Variants in QTGAL observed in about 807,000 individuals in gnomAD.
The protein encoded by QTGAL is BGnT-like protein 1.
the QTGAL span, among the ~76,000 whole-genome samples, chr17:83,017,711 C>T: frequency 1.3e-5 from 2 of 152,250 alleles, no homozygotes; most frequent in Non-Finnish European, 2.9e-5. Flanking sequence ...GTTACCCTGG[C>T]TTGATCATGA....
At chr17:83,008,746 C>G in the QTGAL span, among the ~76,000 whole-genome samples, 1 of 152,230 alleles carries the variant, frequency 6.6e-6, no homozygotes, top group Non-Finnish European at 1.5e-5. Context: ...GGAGAGAAAG[C>G]GCCCAGCCCG....
the QTGAL span, among the ~76,000 whole-genome samples, chr17:83,021,423 A>G: frequency 1.4e-5 from 2 of 141,656 alleles, no homozygotes; most frequent in Non-Finnish European, 3.1e-5. Context: ...CCACTTTTCA[A>G]TAGCACTGAA....
the QTGAL span, among the ~76,000 whole-genome samples, chr17:83,012,906 T>C: frequency 1.5e-4 from 23 of 151,698 alleles, no homozygotes; most frequent in East Asian, 3.5e-3. Flanking sequence ...CCCTAATCCC[T>C]AGATCCCCGG....
At chr17:83,020,309 C>A in the QTGAL span, among the ~76,000 whole-genome samples, 8 of 152,294 alleles carry the variant, frequency 5.3e-5, no homozygotes, top group East Asian at 1.5e-3. Context: ...TAAGAAATTT[C>A]TGAGACCGAT....
the QTGAL span, chr17:82,946,880 TG>T: frequency 6.4e-7 from 1 of 1,553,056 alleles, no homozygotes. Flanking sequence ...AAGACCCACC[TG>T]GGAGCAGCTG....
the QTGAL span, among the ~76,000 whole-genome samples, chr17:82,986,569 G>A: frequency 7.0e-3 from 1,065 of 152,288 alleles, 8 homozygotes; most frequent in Non-Finnish European, 0.012. Flanking sequence ...CCGCTTTTCC[G>A]CGTGACACAG....
At chr17:82,977,481 C>G in the QTGAL span, among the ~76,000 whole-genome samples, 1 of 151,020 alleles carries the variant, frequency 6.6e-6, no homozygotes, top group Non-Finnish European at 1.5e-5. Context: ...GTGTACTTAA[C>G]ATTTTCAACA....
chr17:82,980,434 C>T, the QTGAL span, among the ~76,000 whole-genome samples: 2 of 152,086 alleles, frequency 1.3e-5, no homozygotes, highest in Non-Finnish European at 2.9e-5. Flanking sequence ...AGCCTCAGAC[C>T]CCCCCAGGTG....
chr17:82,974,078 T>C, the QTGAL span, among the ~76,000 whole-genome samples: 3 of 152,204 alleles, frequency 2.0e-5, no homozygotes, highest in African/African-American at 7.2e-5. Context: ...GCAGTGCTGT[T>C]TCTGCCCCTC....
At chr17:83,019,057 G>A in the QTGAL span, among the ~76,000 whole-genome samples, 2 of 152,178 alleles carry the variant, frequency 1.3e-5, no homozygotes, top group Admixed American at 1.3e-4. Flanking sequence ...CTGCCACCAG[G>A]AGACGCACGA....
the QTGAL span, among the ~76,000 whole-genome samples, chr17:83,010,344 G>A: frequency 2.0e-5 from 3 of 152,294 alleles, no homozygotes; most frequent in African/African-American, 7.2e-5. Flanking sequence ...AGCAGAGCCC[G>A]GAGGCAGCCG....
chr17:83,049,535 C>G, the QTGAL span, among the ~76,000 whole-genome samples: 5 of 151,418 alleles, frequency 3.3e-5, no homozygotes, highest in Non-Finnish European at 7.4e-5. Flanking sequence ...GCCTCAGCCT[C>G]CCGAGTAGCT....
chr17:82,969,161 T>G, the QTGAL span, among the ~76,000 whole-genome samples: 3 of 151,262 alleles, frequency 2.0e-5, no homozygotes, highest in East Asian at 3.9e-4. Context: ...AAAAGAAAAT[T>G]TATTTTGTTT....
the QTGAL span, among the ~76,000 whole-genome samples, chr17:83,045,373 T>C: frequency 6.6e-6 from 1 of 152,222 alleles, no homozygotes; most frequent in East Asian, 1.9e-4. Flanking sequence ...AAACTGAGTA[T>C]CTACTTACAA....
At chr17:83,003,072 T>C in the QTGAL span, among the ~76,000 whole-genome samples, 21 of 16,500 alleles carry the variant, frequency 1.3e-3, no homozygotes, top group African/African-American at 3.3e-3. Context: ...GCCCTCCCAC[T>C]CTCCGCAGTC....
At chr17:83,049,594 G>A in the QTGAL span, among the ~76,000 whole-genome samples, 3 of 151,900 alleles carry the variant, frequency 2.0e-5, no homozygotes, top group Admixed American at 1.3e-4. Flanking sequence ...TAAGCATTTC[G>A]GCAAACCATG....
At chr17:82,986,819 CG>C in the QTGAL span, among the ~76,000 whole-genome samples, 1 of 152,234 alleles carries the variant, frequency 6.6e-6, no homozygotes, top group Non-Finnish European at 1.5e-5. Flanking sequence ...ACAAGAAATC[CG>C]TAATGTTGGG....
chr17:82,942,324 C>T, the QTGAL span: 3 of 1,415,608 alleles, frequency 2.1e-6, no homozygotes, highest in Admixed American at 6.1e-5. Context: ...TGGGAAACGG[C>T]ACAAATGGTT....
At chr17:82,982,557 C>T in the QTGAL span, among the ~76,000 whole-genome samples, 4 of 152,192 alleles carry the variant, frequency 2.6e-5, no homozygotes, top group African/African-American at 4.8e-5. Flanking sequence ...CCTCCCACCA[C>T]GTGAGGACAC....
Sources: gnomAD v4.1 joint callset for allele counts (sites outside exome capture counted in the v4.1 genomes callset) on GRCh38, gnomAD v4.1.1 for gene constraint, MANE v1.5 for transcripts, NCBI Gene and HGNC (gene_info 2026-07-23, HGNC 2026-07-21) for gene names.